The following TSSK4 variants were observed in gnomAD, a reference collection of about 807,000 sequenced individuals.
The protein encoded by TSSK4 is testis-specific serine/threonine-protein kinase 4.
TSSK4 carries 22 observed loss-of-function variants against 28.5 expected under a neutral mutation model. The ratio of observed to expected loss-of-function variants is 0.77; its 90% CI spans 0.55 to 1.10. The LOEUF (loss-of-function observed/expected upper bound fraction) is 1.10, where lower values mean the gene tolerates loss of function less well. Ranked by LOEUF, TSSK4 falls within the 50% of genes least tolerant of loss-of-function variation. The pLI, the probability that TSSK4 is intolerant of heterozygous loss-of-function variation, is 0.00. For synonymous variants in TSSK4, 151 were observed against 158.3 expected (o/e 0.95, Z 0.35); for missense variants, 329 against 415.4 (o/e 0.79, Z 1.81).
intron 2 of TSSK4, 82 bp from the exon 3 acceptor site, chr14:24,207,034 C>T (rs769610687): frequency 6.4e-7 from 1 of 1,569,818 alleles, no homozygotes; most frequent in Non-Finnish European, 8.7e-7. Context: ...ATGGTTTCTA[C>T]CTCCCACTTC....
chr14:24,206,897 A>C, intron 2 of TSSK4, 174 bp downstream of exon 2: 1 of 989,180 alleles, frequency 1.0e-6, no homozygotes, highest in Non-Finnish European at 1.5e-6. Flanking sequence ...ACTGTATGCA[A>C]AGCATTTTAT....
At chr14:24,207,646 AG>A in intron 3 of TSSK4, 137 bp downstream of exon 3, 1 of 1,078,306 alleles carries the variant, frequency 9.3e-7, no homozygotes, top group South Asian at 1.6e-5. Context: ...CTCACACACT[AG>A]CTCCTGTCCT....
intron 3 of TSSK4, 149 bp downstream of exon 3, chr14:24,207,658 A>G (rs952199312): frequency 9.6e-7 from 1 of 1,037,968 alleles, no homozygotes; most frequent in Non-Finnish European, 1.4e-6. Context: ...CTCCTGTCCT[A>G]TAATAAACAG....
At position 24,208,152 on chromosome 14, in the gene TSSK4, G is replaced by A. The variant is rs1172087235; in HGVS notation, c.*6G>A. The A allele has an allele frequency of 6.3e-7, 1 of 1,597,576 alleles. No homozygotes were observed. Among genetic ancestry groups the A allele is most frequent in the Non-Finnish European group, 8.6e-7 (1 of 1,167,130 alleles). ...CCTTGCAAATTACGACCTGAAAATG[G>A]CTGAGGGAGGGGGCTAAGAGAGGAG... is the stretch of plus-strand genomic sequence containing the variant. On this transcript the variant is annotated 3_prime_UTR_variant, in exon 4 of 4. Coordinates refer to ENST00000339917, the MANE Select transcript of TSSK4 (RefSeq NM_001184739.2).
At position 24,207,398 on chromosome 14, in the gene TSSK4, T is replaced by G; in HGVS notation, c.723T>G (p.Thr241=). The G allele has an allele frequency of 6.2e-7, 1 of 1,614,116 alleles. No individual in the cohort carries two copies. Among genetic ancestry groups the G allele is most frequent in the Non-Finnish European group, 8.5e-7 (1 of 1,180,032 alleles). ...GGAGCATGGGCGTCATCCTTTACAC[T>G]CTAGTGGTCGCCCATCTGCCCTTTG... ...DTWSMGVILY[T]LVVAHLPFDD... The change falls in exon 3 of 4, where the codon ACT becomes ACG. Residue 241 remains threonine, a synonymous_variant. Coordinates refer to ENST00000339917, the MANE Select transcript of TSSK4 (RefSeq NM_001184739.2).
chr14:24,207,004 C>T (rs1177607306), intron 2 of TSSK4, 112 bp from the exon 3 acceptor site: 1 of 1,439,042 alleles, frequency 6.9e-7, no homozygotes, highest in Non-Finnish European at 9.6e-7. Context: ...TTTCCTTCCT[C>T]TCTACCTTGT....
chr14:24,206,540 T>C lies in TSSK4; in HGVS notation c.257T>C (p.Ile86Thr), dbSNP rs1594464327. Residue 86 changes from isoleucine (I) to threonine (T), a missense_variant, in exon 2 of 4, where the codon ATC becomes ACC. Coordinates refer to ENST00000339917, the MANE Select transcript of TSSK4 (RefSeq NM_001184739.2). ...VMKVLRHKYLINFYRAIESTS... is the reference protein window; with the variant it reads ...VMKVLRHKYLTNFYRAIESTS... The stretch of plus-strand genomic sequence containing the variant: ...AAAGTCTTGCGGCACAAGTACCTCA[T>C]CAACTTCTATCGGGCCATTGAGAGC... 1.5e-5 allele frequency: 24 copies of C among 1,614,218 alleles called. No homozygotes were observed. Among genetic ancestry groups the C allele is most frequent in the Non-Finnish European group, 2.0e-5 (24 of 1,180,036 alleles).
At position 24,207,422 on chromosome 14, in the gene TSSK4, T is replaced by C; in HGVS notation, c.747T>C (p.Phe249=). 1 of 1,614,150 alleles carries C rather than the reference T, an allele frequency of 6.2e-7. No individual in the cohort carries two copies. Residue 249 remains phenylalanine, a synonymous_variant, in exon 3 of 4, where the codon TTT becomes TTC. Transcript: ENST00000339917. ...LYTLVVAHLP[F]DDTNLKKLLR... is the part of the protein sequence containing the mutation. Reference sequence around the variant, plus strand: ...CTCTAGTGGTCGCCCATCTGCCCTTTGATGACACCAATCTCAAAAAGCTGC... The same window carrying C: ...CTCTAGTGGTCGCCCATCTGCCCTTCGATGACACCAATCTCAAAAAGCTGC...
At position 24,206,605 on chromosome 14, in the gene TSSK4, G is replaced by A. The variant is rs1480605516; in HGVS notation, c.322G>A (p.Gly108Ser). The change falls in exon 2 of 4, where the codon GGT becomes AGT. Residue 108 changes from glycine to serine, a missense_variant. By Grantham distance (56) the Gly-to-Ser change is moderately conservative. This residue lies in a region of TSSK4 where 175 missense variants were observed against 196.0 expected (regional missense o/e 0.89). Transcript: ENST00000339917. ...CATCATTCTGGAACTGGCTCAGGGT[G>A]GTGATGTCCTTGAATGGATCCAGCG... Reference protein sequence around the residue: ...VYIILELAQGGDVLEWIQRYG... With the variant: ...VYIILELAQGSDVLEWIQRYG... 1 of 1,614,220 alleles carries A rather than the reference G, an allele frequency of 6.2e-7. No homozygotes were observed. Among genetic ancestry groups the A allele is most frequent in the Non-Finnish European group, 8.5e-7 (1 of 1,180,036 alleles).
At chr14:24,207,561 G>A in intron 3 of TSSK4, 52 bp downstream of exon 3, 1 of 1,539,156 alleles carries the variant, frequency 6.5e-7, no homozygotes, top group Non-Finnish European at 8.7e-7. Context: ...CACAGGGAGG[G>A]GTGAATATCC....
intron 1 of TSSK4, 41 bp from the exon 2 acceptor site, chr14:24,206,463 AGGGTT>A (rs754618259): frequency 6.2e-7 from 1 of 1,600,266 alleles, no homozygotes; most frequent in East Asian, 2.2e-5. Flanking sequence ...GAGTGCAGTC[AGGGTT>A]CTCCCTTCCC....
At chr14:24,207,071 C>T (rs2039531712) in intron 2 of TSSK4, 45 bp from the exon 3 acceptor site, 6 of 1,599,498 alleles carry the variant, frequency 3.8e-6, no homozygotes, top group Non-Finnish European at 5.1e-6. Context: ...ACCCTCTGAC[C>T]CCTGGCCCTT....
Position 24,206,118 on chromosome 14 carries a change from T to C in TSSK4, c.195T>C (p.Tyr65=), listed in dbSNP as rs1224014721. Residue 65 remains tyrosine (Y), a synonymous_variant, in exon 1 of 4, where the codon TAT becomes TAC. Coordinates refer to ENST00000339917, the MANE Select transcript of TSSK4 (RefSeq NM_001184739.2). ...CAAAGAAGAAGGCCTCTGATGACTA[T>C]CTTAACAAGTTCCTGCCCCGTGAAA... ...IISKKKASDD[Y]LNKFLPREIQ... is the part of the protein sequence containing the mutation. 1 of 1,613,978 alleles carries C rather than the reference T, an allele frequency of 6.2e-7. No homozygotes were observed. Among genetic ancestry groups the C allele is most frequent in the African/African-American group, 1.3e-5 (1 of 74,878 alleles).
In TSSK4 at chr14:24,206,617, G is replaced by A; in HGVS notation, c.334G>A (p.Glu112Lys). The change falls in exon 2 of 4, where the codon GAA (glutamate) becomes AAA (lysine). Residue 112 changes from glutamate (E) to lysine (K), a missense_variant. Glu to Lys is a moderately conservative substitution (Grantham distance 56). Coordinates refer to ENST00000339917, the MANE Select transcript of TSSK4 (RefSeq NM_001184739.2). The part of the protein sequence containing the change: ...LELAQGGDVL[E>K]WIQRYGACSE... The stretch of plus-strand genomic sequence containing the variant: ...ACTGGCTCAGGGTGGTGATGTCCTT[G>A]AATGGATCCAGCGCTACGGGGCCTG... The A allele has an allele frequency of 1.2e-6, 2 of 1,614,238 alleles. No individual in the cohort carries two copies. Among genetic ancestry groups the A allele is most frequent in the Non-Finnish European group, 1.7e-6 (2 of 1,180,038 alleles).
At chr14:24,206,478 C>T (rs2039518394) in intron 1 of TSSK4, 31 bp from the exon 2 acceptor site, 2 of 1,612,404 alleles carry the variant, frequency 1.2e-6, no homozygotes, top group East Asian at 2.2e-5. Context: ...TCTCCCTTCC[C>T]AGGTTTGATG....
At position 24,207,394 on chromosome 14, in the gene TSSK4, A is replaced by G. The variant is rs759003569; in HGVS notation, c.719A>G (p.Tyr240Cys). 19 of 1,613,994 alleles carry G rather than the reference A, an allele frequency of 1.2e-5. No homozygotes were observed. In the East Asian group the frequency reaches 4.2e-4, roughly 36 times the overall value. The change falls in exon 3 of 4, where the codon TAC becomes TGC. Residue 240 changes from tyrosine to cysteine, a missense_variant. By Grantham distance (194) the Tyr-to-Cys change is radical. Coordinates refer to ENST00000339917, the MANE Select transcript of TSSK4 (RefSeq NM_001184739.2). ...ACCTGGAGCATGGGCGTCATCCTTTACACTCTAGTGGTCGCCCATCTGCCC... is the reference window on the plus strand; with the variant it reads ...ACCTGGAGCATGGGCGTCATCCTTTGCACTCTAGTGGTCGCCCATCTGCCC... ...SDTWSMGVIL[Y>C]TLVVAHLPFD...
At chr14:24,207,844 C>A in intron 3 of TSSK4, 120 bp from the exon 4 acceptor site, 1 of 1,564,908 alleles carries the variant, frequency 6.4e-7, no homozygotes, top group Non-Finnish European at 8.6e-7. Flanking sequence ...CAGAGCCACA[C>A]CCACTTTGAC....
chr14:24,208,192 T>C lies in TSSK4; in HGVS notation c.*46T>C. On this transcript the variant is annotated 3_prime_UTR_variant, in exon 4 of 4. Coordinates refer to ENST00000339917, the MANE Select transcript of TSSK4 (RefSeq NM_001184739.2). ...TAAGAGAGGAGCAAAGCAGGAGGTC[T>C]TGGGCTAAAAATCTTTTTTACCAAA... The C allele has an allele frequency of 6.6e-7, 1 of 1,521,794 alleles. No individual in the cohort carries two copies. Among genetic ancestry groups the C allele is most frequent in the Non-Finnish European group, 8.8e-7 (1 of 1,134,474 alleles). The allele number at this position is 1,521,794 out of a possible 1,614,324, so 94.3% of individuals were successfully genotyped here. A position where few individuals can be genotyped will look rare whatever the true frequency, so the allele number is the denominator to read the frequency against.
intron 2 of TSSK4, 83 bp downstream of exon 2, chr14:24,206,806 C>G: frequency 7.0e-7 from 1 of 1,434,482 alleles, no homozygotes; most frequent in Non-Finnish European, 9.6e-7. Context: ...CTTTTTTCCT[C>G]TTTCGAACTC....
Sources: allele counts gnomAD v4.1 joint callset, GRCh38; gene constraint gnomAD v4.1.1; regional missense constraint gnomAD v4.1.1; transcripts MANE v1.5; gene names NCBI Gene and HGNC (gene_info 2026-07-23, HGNC 2026-07-21).